The following TMCO6 variants were observed in gnomAD, a reference collection of about 807,000 sequenced individuals.
The protein encoded by TMCO6 is transmembrane and coiled-coil domains 6.
TMCO6 carries 47 observed loss-of-function variants against 61.8 expected under a neutral mutation model. That is an observed-to-expected ratio of 0.76 (90% confidence interval 0.60 to 0.97). The LOEUF (loss-of-function observed/expected upper bound fraction) is 0.97, where lower values mean the gene tolerates loss of function less well. Among genes scored for constraint, TMCO6 ranks in the 50% least tolerant of loss-of-function variants. The pLI is 0.00. For synonymous variants in TMCO6, 261 were observed against 254.2 expected (o/e 1.03, Z -0.25); for missense variants, 557 against 601.6 (o/e 0.93, Z 0.78).
the TMCO6 span, among the ~76,000 whole-genome samples, chr5:140,618,875 A>T: frequency 6.6e-6 from 1 of 152,240 alleles, no homozygotes; most frequent in Non-Finnish European, 1.5e-5. Context: ...AAGTTCTTAG[A>T]CAATAACGCA....
chr5:140,641,725 C>G lies in TMCO6; in HGVS notation c.259C>G (p.Leu87Val), dbSNP rs143585539. Residue 87 changes from leucine (L) to valine (V), a missense_variant, in exon 3 of 12, where the codon CTG (leucine) becomes GTG (valine). By Grantham distance (32) the Leu-to-Val change is conservative. Transcript: ENST00000394671. Reference sequence around the variant, plus strand: ...AGAGGAAAAGGAGAGAGAGGGGGCTCTGGTCAGCCTTCGTCGAGGCTTGCA... The same window carrying G: ...AGAGGAAAAGGAGAGAGAGGGGGCTGTGGTCAGCCTTCGTCGAGGCTTGCA... Reference protein sequence around the residue: ...GTEEKEREGALVSLRRGLQHP... With the variant: ...GTEEKEREGAVVSLRRGLQHP... The G allele has an allele frequency of 3.1e-6, 5 of 1,614,220 alleles. No individual in the cohort carries two copies. Among genetic ancestry groups the G allele is most frequent in the South Asian group, 2.2e-5 (2 of 91,088 alleles).
downstream of TMCO6, among the ~76,000 whole-genome samples, chr5:140,646,056 G>A (rs1234897148): frequency 1.3e-5 from 2 of 149,076 alleles, no homozygotes; most frequent in Non-Finnish European, 3.0e-5. Context: ...TGTCACCCAG[G>A]CTGGAGTGTG....
At chr5:140,605,938 C>T in the TMCO6 span, among the ~76,000 whole-genome samples, 13 of 152,094 alleles carry the variant, frequency 8.5e-5, no homozygotes, top group African/African-American at 3.1e-4. Context: ...TAAGTGTGTC[C>T]TAGGAATTTG....
In TMCO6 at chr5:140,641,796, G is replaced by A; in HGVS notation, c.314+16G>A. On this transcript the variant is annotated intron_variant, in intron 3 of 11. Coordinates refer to ENST00000394671, the MANE Select transcript of TMCO6 (RefSeq NM_018502.5). ...CCTTCATCCGGTCAGTGTGGATGGT[G>A]TGGTGGAGGGAGGAGTTGGGGCTCT... is the stretch of plus-strand genomic sequence containing the variant. 3 of 1,614,212 alleles carry A rather than the reference G, an allele frequency of 1.9e-6. No homozygotes were observed. The highest frequency in any genetic ancestry group is 2.2e-5 in the South Asian group (2 of 91,088).
downstream of TMCO6, chr5:140,645,643 A>C: frequency 6.2e-7 from 1 of 1,614,176 alleles, no homozygotes; most frequent in Non-Finnish European, 8.5e-7. Context: ...TCAGCACTGA[A>C]GTTGTTCAAA....
chr5:140,598,168 C>G, the TMCO6 span, among the ~76,000 whole-genome samples: 1 of 151,996 alleles, frequency 6.6e-6, no homozygotes, highest in Non-Finnish European at 1.5e-5. Context: ...ATCCCCTCCC[C>G]CATTTTACTT....
At chr5:140,606,937 G>A in the TMCO6 span, among the ~76,000 whole-genome samples, 5 of 151,320 alleles carry the variant, frequency 3.3e-5, no homozygotes, top group East Asian at 3.9e-4. Context: ...GTGTAGGCCC[G>A]GGCTAATGTG....
chr5:140,625,921 T>C, the TMCO6 span, among the ~76,000 whole-genome samples: 12 of 152,138 alleles, frequency 7.9e-5, no homozygotes, highest in Non-Finnish European at 1.6e-4. Context: ...CTCCCTATGT[T>C]CTCTGTCTCA....
the TMCO6 span, among the ~76,000 whole-genome samples, chr5:140,602,936 C>G: frequency 1.3e-5 from 2 of 152,044 alleles, no homozygotes; most frequent in East Asian, 3.9e-4. Flanking sequence ...TGGTGAAACC[C>G]CGTCTCTACT....
the TMCO6 span, among the ~76,000 whole-genome samples, chr5:140,611,584 T>C: frequency 9.9e-5 from 15 of 152,224 alleles, no homozygotes; most frequent in Non-Finnish European, 2.2e-4. Context: ...TTGTCCAAGA[T>C]GACAGTGCTC....
the TMCO6 span, among the ~76,000 whole-genome samples, chr5:140,614,605 C>G: frequency 6.6e-6 from 1 of 151,936 alleles, no homozygotes; most frequent in Non-Finnish European, 1.5e-5. Context: ...GAAGTACTTT[C>G]TTTCTTTCAT....
chr5:140,646,308 G>C (rs1463285455), downstream of TMCO6, among the ~76,000 whole-genome samples: 1 of 152,176 alleles, frequency 6.6e-6, no homozygotes, highest in African/African-American at 2.4e-5. Context: ...ACCGCACCCA[G>C]CTGGGTACCC....
chr5:140,645,061 G>A lies in TMCO6; in HGVS notation c.1445G>A (p.Arg482His), dbSNP rs773622401. 3.0e-5 allele frequency: 49 copies of A among 1,614,088 alleles called. 1 individual carries two copies. The highest frequency in any genetic ancestry group is 1.2e-4 in the South Asian group (11 of 91,090). ...RHQEEAQLQD[R>H]VYALQQTALQ... ...CAGGAAGAGGCCCAGCTCCAGGATCGTGTGTATGCTCTCCAGCAGACAGCT... is the reference window on the plus strand; with the variant it reads ...CAGGAAGAGGCCCAGCTCCAGGATCATGTGTATGCTCTCCAGCAGACAGCT... Residue 482 changes from arginine (R) to histidine (H), a missense_variant, in exon 12 of 12, where the codon CGT (arginine) becomes CAT (histidine). Coordinates refer to ENST00000394671, the MANE Select transcript of TMCO6 (RefSeq NM_018502.5).
the TMCO6 span, among the ~76,000 whole-genome samples, chr5:140,607,786 A>G: frequency 3.6e-4 from 35 of 96,060 alleles, no homozygotes; most frequent in African/African-American, 1.6e-3. Flanking sequence ...TGGCTTTTCT[A>G]TTTTCTTTTT....
intron 5 of TMCO6, 62 bp from the exon 6 acceptor site, chr5:140,642,524 G>A (rs1188090290): frequency 1.2e-6 from 2 of 1,607,396 alleles, no homozygotes; most frequent in Non-Finnish European, 8.5e-7. Context: ...CCAAGGGGCT[G>A]AAAGTCTCTG....
Position 140,645,172 on chromosome 5 carries a change from T to G in TMCO6, c.*74T>G. On this transcript the variant is annotated 3_prime_UTR_variant, in exon 12 of 12. Transcript: ENST00000394671. ...GTTTGTCCAGTAGAGCCTTTGGAGA[T>G]TTAGGACCATAATGAGGTCTCATGT... 6.8e-7 allele frequency: 1 copy of G among 1,470,292 alleles called. No homozygotes were observed. The highest frequency in any genetic ancestry group is 9.5e-7 in the Non-Finnish European group (1 of 1,055,940). The allele number at this position is 1,470,292 out of a possible 1,614,324, so 91.1% of individuals were successfully genotyped here. A position where few individuals can be genotyped will look rare whatever the true frequency, so the allele number is the denominator to read the frequency against.
In TMCO6 at chr5:140,643,836, G is replaced by A; in HGVS notation, c.975G>A (p.Glu325=). 1.2e-6 allele frequency: 2 copies of A among 1,614,270 alleles called. No homozygotes were observed. Among genetic ancestry groups the A allele is most frequent in the Non-Finnish European group, 1.7e-6 (2 of 1,180,044 alleles). Residue 325 remains glutamate (E), a synonymous_variant, in exon 9 of 12, where the codon GAG becomes GAA. Transcript: ENST00000394671. ...LSNLLTEAAV[E]TVGGQMQLRD... Reference sequence around the variant, plus strand: ...ACCTGCTAACTGAGGCAGCAGTGGAGACTGTGGGAGGGCAAATGCAGCTCA... The same window carrying A: ...ACCTGCTAACTGAGGCAGCAGTGGAAACTGTGGGAGGGCAAATGCAGCTCA...
the TMCO6 span, among the ~76,000 whole-genome samples, chr5:140,631,301 G>C: frequency 6.6e-6 from 1 of 152,070 alleles, no homozygotes; most frequent in Non-Finnish European, 1.5e-5. Flanking sequence ...TGAGTGGTAA[G>C]GGAGACAGAC....
the TMCO6 span, among the ~76,000 whole-genome samples, chr5:140,615,969 G>A: frequency 6.6e-6 from 1 of 151,840 alleles, no homozygotes; most frequent in East Asian, 1.9e-4. Context: ...TGTCTCTAGT[G>A]AAAATACAAA....
Sources: allele counts gnomAD v4.1 joint callset (sites outside exome capture counted in the v4.1 genomes callset), GRCh38; gene constraint gnomAD v4.1.1; transcripts MANE v1.5; gene names NCBI Gene and HGNC (gene_info 2026-07-23, HGNC 2026-07-21).